Variants in PTPRO observed in about 807,000 individuals in gnomAD.
The protein encoded by PTPRO is protein tyrosine phosphatase receptor type O.
In PTPRO, 62 loss-of-function variants were observed where a neutral mutation model predicts 145.2. The ratio of observed to expected loss-of-function variants is 0.43; its 90% confidence interval spans 0.35 to 0.53. The LOEUF (loss-of-function observed/expected upper bound fraction) is 0.53, where lower values mean the gene tolerates loss of function less well. Ranked by LOEUF, PTPRO falls within the 20% of genes least tolerant of loss-of-function variation. The probability of loss-of-function intolerance (pLI) is 0.01; values close to 1 mark genes in which losing one functional copy is unlikely to be tolerated. For synonymous variants in PTPRO, 565 were observed against 514.7 expected, an observed-to-expected ratio of 1.10 and a Z score of -1.32; for missense variants, 1,345 against 1,482.7, an observed-to-expected ratio of 0.91 and a Z score of 1.53.
At chr12:15,457,037 G>A (rs947665828) in intron 1 of PTPRO, among the ~76,000 whole-genome samples, 6 of 151,910 alleles carry the variant, frequency 3.9e-5, no homozygotes, top group Admixed American at 2.6e-4. Flanking sequence ...GTTCTTTGGG[G>A]TGTAAAATTA....
In PTPRO at chr12:15,524,004, G is replaced by C. The variant is rs368265439; in HGVS notation, c.1892-810G>C. Among the ~76,000 whole-genome samples, 5 of 151,722 alleles carry C rather than the reference G, an allele frequency of 3.3e-5. No homozygotes were observed. In the East Asian group the frequency reaches 5.9e-4, roughly 18 times the overall value. On this transcript the variant is annotated intron_variant, in intron 10 of 26. Transcript: ENST00000281171. Reference sequence around the variant, plus strand: ...TGTAGAGATGGGGTTTTGCTATGTTGCACAGGCTGGTCTTGAACTGGACTC... The same window carrying C: ...TGTAGAGATGGGGTTTTGCTATGTTCCACAGGCTGGTCTTGAACTGGACTC...
At chr12:15,560,051 T>C (rs980485254) in intron 16 of PTPRO, 142 bp from the exon 17 acceptor site, 1 of 700,214 alleles carries the variant, frequency 1.4e-6, no homozygotes. Flanking sequence ...TTTCACAGAA[T>C]GGATTAATAT....
At chr12:15,508,901 G>C in intron 7 of PTPRO, 134 bp downstream of exon 7, 3 of 877,718 alleles carry the variant, frequency 3.4e-6, no homozygotes, top group Non-Finnish European at 5.5e-6. Flanking sequence ...CTGTTCCCAA[G>C]AGCCAGAGGG....
At chr12:15,391,475 G>C (rs891105257) in intron 1 of PTPRO, among the ~76,000 whole-genome samples, 3 of 152,138 alleles carry the variant, frequency 2.0e-5, no homozygotes, top group Non-Finnish European at 4.4e-5. Context: ...TCTTAGTTGA[G>C]CTGCATTTGT....
intron 4 of PTPRO, 59 bp from the exon 5 acceptor site, chr12:15,501,561 A>G: frequency 6.9e-7 from 1 of 1,457,342 alleles, no homozygotes; most frequent in Non-Finnish European, 9.6e-7. Context: ...TTAAGAGATT[A>G]AGTATTCACT....
intron 2 of PTPRO, 81 bp downstream of exon 2, chr12:15,484,328 C>T: frequency 6.5e-7 from 1 of 1,535,960 alleles, no homozygotes; most frequent in Non-Finnish European, 9.0e-7. Flanking sequence ...TGACAGACTC[C>T]ACCCAGAATG....
intron 19 of PTPRO, among the ~76,000 whole-genome samples, chr12:15,570,114 C>G (rs1312484167): frequency 6.6e-6 from 1 of 152,174 alleles, no homozygotes; most frequent in African/African-American, 2.4e-5. Context: ...GGATCTAAAA[C>G]CATATGTCAG....
intron 19 of PTPRO, among the ~76,000 whole-genome samples, chr12:15,577,171 A>G (rs556495808): frequency 6.6e-6 from 1 of 152,384 alleles, no homozygotes; most frequent in East Asian, 1.9e-4. Flanking sequence ...CAAATGTAAC[A>G]TAGTTTGTAT....
intron 23 of PTPRO, among the ~76,000 whole-genome samples, chr12:15,586,661 C>T (rs1409737760): frequency 1.3e-5 from 2 of 152,104 alleles, no homozygotes; most frequent in Admixed American, 1.3e-4. Context: ...TAAGTGTTGT[C>T]CACAGGTACA....
At chr12:15,526,499 A>T (rs1285776498) in intron 12 of PTPRO, among the ~76,000 whole-genome samples, 3 of 152,312 alleles carry the variant, frequency 2.0e-5, no homozygotes, top group Non-Finnish European at 2.9e-5. Context: ...AAGGTTAAAG[A>T]AACCAGGTAG....
Position 15,569,407 on chromosome 12 carries a change from T to C in PTPRO, c.2748-10T>C, listed in dbSNP as rs375969281. ...TAAAATGTATGTATATTTCTTTGTG[T>C]TTGGCAAAGCCCGGTTCAACTGGAT... is the stretch of plus-strand genomic sequence containing the variant. On this transcript the variant is annotated splice_polypyrimidine_tract_variant and intron_variant, in intron 18 of 26. Coordinates refer to ENST00000281171, the MANE Select transcript of PTPRO (RefSeq NM_030667.3). The C allele has an allele frequency of 1.6e-5, 25 of 1,606,866 alleles. No homozygotes were observed. In the African/African-American group the frequency reaches 3.1e-4, roughly 20 times the overall value.
intron 26 of PTPRO, 192 bp downstream of exon 26, chr12:15,595,249 A>G (rs1322812803): frequency 1.6e-5 from 9 of 567,538 alleles, no homozygotes; most frequent in East Asian, 3.1e-5. Flanking sequence ...TTGAGTTTCA[A>G]TGCACCTTGG....
chr12:15,410,836 A>G (rs1484776109), intron 1 of PTPRO: 4 of 152,224 alleles, frequency 2.6e-5, no homozygotes, highest in African/African-American at 7.2e-5. Context: ...ACAGCTCCTT[A>G]TATTTGACAA....
In PTPRO at chr12:15,416,652, T is replaced by G. The variant is rs551676839; in HGVS notation, c.76-67322T>G. Among the ~76,000 whole-genome samples, 5 of 151,384 alleles carry G rather than the reference T, an allele frequency of 3.3e-5. No homozygotes were observed. The South Asian group carries it at 1.0e-3, about 31-fold the overall frequency. On this transcript the variant is annotated intron_variant, in intron 1 of 26. Transcript: ENST00000281171. ...TCTCTTAATTCAGTTTCCCAGGGTCTTTACTGACAGCCCTCTGTTAAGAAC... is the reference window on the plus strand; with the variant it reads ...TCTCTTAATTCAGTTTCCCAGGGTCGTTACTGACAGCCCTCTGTTAAGAAC...
At chr12:15,367,174 T>C (rs1398762921) in intron 1 of PTPRO, among the ~76,000 whole-genome samples, 1 of 152,220 alleles carries the variant, frequency 6.6e-6, no homozygotes, top group African/African-American at 2.4e-5. Flanking sequence ...ACATACAATC[T>C]TTAGTCTCAT....
chr12:15,353,641 T>A (rs929725360), intron 1 of PTPRO, among the ~76,000 whole-genome samples: 1 of 152,144 alleles, frequency 6.6e-6, no homozygotes, highest in African/African-American at 2.4e-5. Context: ...TCCTGGGCAT[T>A]TTTCCTCAAA....
chr12:15,523,843 G>C (rs1942779571), intron 10 of PTPRO, among the ~76,000 whole-genome samples: 1 of 151,778 alleles, frequency 6.6e-6, no homozygotes, highest in Non-Finnish European at 1.5e-5. Context: ...TGTCACCCAG[G>C]CTGGAATGCA....
intron 1 of PTPRO, among the ~76,000 whole-genome samples, chr12:15,437,059 G>A (rs761525263): frequency 5.3e-5 from 8 of 151,846 alleles, no homozygotes; most frequent in Non-Finnish European, 8.8e-5. Context: ...TGGAACACCT[G>A]CTTGCCTGGA....
chr12:15,415,636 T>C (rs1025748327), intron 1 of PTPRO, among the ~76,000 whole-genome samples: 35 of 151,876 alleles, frequency 2.3e-4, no homozygotes, highest in Admixed American at 1.8e-3. Context: ...CCGCCCACCC[T>C]GGCCTCCCAA....
Sources: allele counts gnomAD v4.1 joint callset (sites outside exome capture counted in the v4.1 genomes callset), GRCh38; gene constraint gnomAD v4.1.1; transcripts MANE v1.5; gene names NCBI Gene and HGNC (gene_info 2026-07-23, HGNC 2026-07-21).